Variants in CYFIP1 observed in about 807,000 individuals in gnomAD.
The protein encoded by CYFIP1 is cytoplasmic FMR1 interacting protein 1, also known as cytoplasmic FMR1-interacting protein 1.
In CYFIP1, 58 loss-of-function variants were observed where a neutral mutation model predicts 163.5. The observed-to-expected ratio is 0.35, with a 90% CI of 0.29 to 0.44. CYFIP1 has a LOEUF of 0.44. Among genes scored for constraint, CYFIP1 ranks in the 20% least tolerant of loss-of-function variants. The probability of loss-of-function intolerance (pLI) is 1.00; values close to 1 mark genes in which losing one functional copy is unlikely to be tolerated. For synonymous variants in CYFIP1, 663 were observed against 660.7 expected, an observed-to-expected ratio of 1.00 and a Z score of -0.05; for missense variants, 1,338 against 1,653.8, an observed-to-expected ratio of 0.81 and a Z score of 3.31.
At chr15:22,889,986 A>G (rs979636910) in intron 23 of CYFIP1, among the ~76,000 whole-genome samples, 3 of 152,184 alleles carry the variant, frequency 2.0e-5, no homozygotes, top group African/African-American at 4.8e-5. Context: ...CCTTTTGAGT[A>G]TAACTAATTA....
At position 22,926,008 on chromosome 15, in the gene CYFIP1, T is replaced by G. The variant is rs763578834; in HGVS notation, c.1333A>C (p.Ser445Arg). ...YERATRYNYT[S>R]EEKFALVEVI... ...TCCACTAGGGCAAACTTCTCCTCGC[T>G]GGTGTAGTTGTAGCGCGTGGCACGC... The change falls in exon 13 of 31, where the codon AGC (serine) becomes CGC (arginine). Residue 445 changes from serine to arginine, a missense_variant. Coordinates refer to ENST00000617928, the MANE Select transcript of CYFIP1 (RefSeq NM_014608.6). 1 of 1,613,902 alleles carries G rather than the reference T, an allele frequency of 6.2e-7. No homozygotes were observed. Among genetic ancestry groups the G allele is most frequent in the Non-Finnish European group, 8.5e-7 (1 of 1,179,926 alleles).
chr15:22,932,064 C>T (rs1188966573), intron 11 of CYFIP1, among the ~76,000 whole-genome samples, 159 bp downstream of exon 11: 1 of 152,176 alleles, frequency 6.6e-6, no homozygotes, highest in Non-Finnish European at 1.5e-5. Context: ...GATGAAACTG[C>T]CTAATGACAC....
chr15:22,912,038 G>T, intron 18 of CYFIP1, 141 bp downstream of exon 18: 1 of 702,392 alleles, frequency 1.4e-6, no homozygotes, highest in Non-Finnish European at 2.3e-6. Flanking sequence ...ATCCACAGAG[G>T]AAGGGCTTGC....
intron 24 of CYFIP1, 121 bp from the exon 25 acceptor site, chr15:22,882,057 G>T: frequency 1.3e-6 from 1 of 794,288 alleles, no homozygotes; most frequent in Non-Finnish European, 2.0e-6. Flanking sequence ...CAAGGCTGCA[G>T]GATCGTCTGG....
At chr15:22,890,329 A>G (rs2060041365) in intron 23 of CYFIP1, among the ~76,000 whole-genome samples, 1 of 151,940 alleles carries the variant, frequency 6.6e-6, no homozygotes, top group Non-Finnish European at 1.5e-5. Context: ...AAAAAAAAGA[A>G]AAGTCAACTT....
At chr15:22,886,099 G>A (rs1425714048) in intron 23 of CYFIP1, among the ~76,000 whole-genome samples, 1 of 152,160 alleles carries the variant, frequency 6.6e-6, no homozygotes, top group African/African-American at 2.4e-5. Flanking sequence ...GGAATGAGAA[G>A]AGAGAGCAAG....
At chr15:22,950,335 G>T (rs749028713) in intron 1 of CYFIP1, among the ~76,000 whole-genome samples, 4 of 152,154 alleles carry the variant, frequency 2.6e-5, no homozygotes, top group Non-Finnish European at 4.4e-5. Flanking sequence ...TGGCCAAAAG[G>T]AAGCTGGGGT....
At chr15:22,934,017 A>G (rs2061621861) in intron 9 of CYFIP1, 124 bp from the exon 10 acceptor site, 1 of 622,556 alleles carries the variant, frequency 1.6e-6, no homozygotes. Context: ...CAAATGATTC[A>G]TTACAAAAAA....
intron 20 of CYFIP1, among the ~76,000 whole-genome samples, chr15:22,909,737 T>G (rs1236272012): frequency 2.6e-5 from 4 of 152,188 alleles, no homozygotes; most frequent in African/African-American, 9.7e-5. Context: ...TTTTTTCTTT[T>G]TTTAATGTTT....
chr15:22,943,123 T>G, intron 6 of CYFIP1, 50 bp downstream of exon 6: 8 of 1,578,384 alleles, frequency 5.1e-6, no homozygotes, highest in Non-Finnish European at 6.1e-6. Context: ...GGCAGGCCAC[T>G]GAGCTGGGTG....
rs143011731 is a variant in CYFIP1, at chr15:22,965,380, A to C, written c.-7+14907T>G. ...AGGCTGAGGCAGGAGAATTGCTTGAACCTGGAAGGCAGAGGTTGTGGTGAG... is the reference window on the plus strand; with the variant it reads ...AGGCTGAGGCAGGAGAATTGCTTGACCCTGGAAGGCAGAGGTTGTGGTGAG... On this transcript the variant is annotated intron_variant, in intron 1 of 30. Transcript: ENST00000617928. 5.1e-4 allele frequency among the ~76,000 whole-genome samples: 77 copies of C among 152,254 alleles called. 2 individuals are homozygous for C. In the East Asian group the frequency reaches 0.014, roughly 27 times the overall value.
intron 9 of CYFIP1, among the ~76,000 whole-genome samples, chr15:22,935,117 G>A (rs894391258): frequency 1.3e-5 from 2 of 152,090 alleles, no homozygotes; most frequent in Non-Finnish European, 2.9e-5. Flanking sequence ...CAATTCTAAC[G>A]TGCATCTCCA....
Position 22,910,636 on chromosome 15 carries a change from A to C in CYFIP1, c.2160-8T>G, listed in dbSNP as rs145018794. 25 of 1,613,238 alleles carry C rather than the reference A, an allele frequency of 1.5e-5. No homozygotes were observed. The East Asian group carries it at 5.6e-4, about 36-fold the overall frequency. On this transcript the variant is annotated splice_polypyrimidine_tract_variant and splice_region_variant and intron_variant, in intron 19 of 30. Transcript: ENST00000617928. ...CGTTTATCAAGAAGCAAACTAGTGT[A>C]GAAGGAAGACAGAAAGTTTTTCATA...
intron 22 of CYFIP1, among the ~76,000 whole-genome samples, chr15:22,901,223 C>A (rs938934792): frequency 1.7e-4 from 25 of 151,220 alleles, no homozygotes; most frequent in Non-Finnish European, 3.0e-4. Flanking sequence ...AAAAAAAAAC[C>A]AAAAAAACAA....
chr15:22,932,983 C>T (rs1245198134), intron 10 of CYFIP1, among the ~76,000 whole-genome samples: 3 of 152,072 alleles, frequency 2.0e-5, no homozygotes, highest in Admixed American at 2.0e-4. Flanking sequence ...CAGGCGTGTG[C>T]CACCATGCCC....
chr15:22,968,634 T>A lies in CYFIP1; in HGVS notation c.-7+11653A>T, dbSNP rs2062991151. 2.0e-5 allele frequency among the ~76,000 whole-genome samples: 3 copies of A among 152,200 alleles called. 1 individual carries two copies. Among genetic ancestry groups the A allele is most frequent in the African/African-American group, 2.4e-5 (1 of 41,454 alleles). On this transcript the variant is annotated intron_variant, in intron 1 of 30. Coordinates refer to ENST00000617928, the MANE Select transcript of CYFIP1 (RefSeq NM_014608.6). The stretch of plus-strand genomic sequence containing the variant: ...TCACCTCTACCACCTCCACACCCTG[T>A]CATCACGACAAACAAGAAAACACAA...
At chr15:22,889,905 G>A (rs2060026300) in intron 23 of CYFIP1, among the ~76,000 whole-genome samples, 1 of 151,960 alleles carries the variant, frequency 6.6e-6, no homozygotes, top group Non-Finnish European at 1.5e-5. Flanking sequence ...CAGTTCTAAA[G>A]GTAAAACACT....
At chr15:22,901,075 C>T (rs891906564) in intron 22 of CYFIP1, among the ~76,000 whole-genome samples, 1 of 151,770 alleles carries the variant, frequency 6.6e-6, no homozygotes, top group African/African-American at 2.4e-5. Flanking sequence ...TGGTGGCATG[C>T]ATCTGTAATC....
chr15:22,963,488 T>C (rs2062758717), intron 1 of CYFIP1, among the ~76,000 whole-genome samples: 1 of 127,460 alleles, frequency 7.8e-6, no homozygotes, highest in Non-Finnish European at 1.7e-5. Flanking sequence ...AAAACTCTGT[T>C]TCAAAAATAA....
Sources: gnomAD v4.1 joint callset for allele counts (sites outside exome capture counted in the v4.1 genomes callset) on GRCh38, gnomAD v4.1.1 for gene constraint, MANE v1.5 for transcripts, NCBI Gene and HGNC (gene_info 2026-07-23, HGNC 2026-07-21) for gene names.